The following AUTS2 variants were observed in gnomAD, a reference collection of about 807,000 sequenced individuals.
AUTS2 encodes the protein autism susceptibility gene 2 protein.
AUTS2 carries 17 observed loss-of-function variants against 112.4 expected under a neutral mutation model. That is an observed-to-expected ratio of 0.15 (90% CI 0.10 to 0.23). The LOEUF (loss-of-function observed/expected upper bound fraction) is 0.23. AUTS2 is among the 10% of genes least tolerant of loss of function. AUTS2 has a pLI of 1.00. For synonymous variants in AUTS2, 751 were observed against 702.7 expected (o/e 1.07, Z -1.09); for missense variants, 1,510 against 1,701.6 (o/e 0.89, Z 1.98).
chr7:70,012,528 C>G (rs550700291), intron 2 of AUTS2, among the ~76,000 whole-genome samples: 145 of 152,190 alleles, frequency 9.5e-4, no homozygotes, highest in African/African-American at 3.3e-3. Context: ...TTACTTCTTC[C>G]AGCCTTTTCC....
intron 1 of AUTS2, among the ~76,000 whole-genome samples, chr7:69,604,781 G>C (rs1214390793): frequency 6.6e-6 from 1 of 152,250 alleles, no homozygotes; most frequent in Non-Finnish European, 1.5e-5. Context: ...GCCAGGCTTG[G>C]CCTGCCTAAC....
rs1195808821 is a variant in AUTS2 at position 70,411,281 on chromosome 7, C to G, written c.661-24471C>G. On this transcript the variant is annotated intron_variant, in intron 4 of 18. Transcript: ENST00000342771. ...AAAGAGCACTGCTGGATGATATATT[C>G]CCCTGGCCTCTGAAAATGCACAGTG... is the stretch of plus-strand genomic sequence containing the variant. Among the ~76,000 whole-genome samples, 38 of 152,202 alleles carry G rather than the reference C, an allele frequency of 2.5e-4. 1 individual carries two copies. The highest frequency in any genetic ancestry group is 2.5e-3 in the Admixed American group (38 of 15,284).
At chr7:69,687,842 C>A (rs1423393306) in intron 1 of AUTS2, among the ~76,000 whole-genome samples, 1 of 152,146 alleles carries the variant, frequency 6.6e-6, no homozygotes, top group East Asian at 1.9e-4. Context: ...TTTCCTTCTC[C>A]TTTGCTTTGC....
At chr7:70,703,365 G>A (rs11977962) in intron 6 of AUTS2, among the ~76,000 whole-genome samples, 3,040 of 151,948 alleles carry the variant, frequency 0.02, 89 homozygotes, top group African/African-American at 0.069. Flanking sequence ...GGTTGGTAGC[G>A]TGTATTTGTA....
intron 1 of AUTS2, among the ~76,000 whole-genome samples, chr7:69,616,715 GA>G (rs1005705067): frequency 6.6e-6 from 1 of 152,162 alleles, no homozygotes; most frequent in Non-Finnish European, 1.5e-5. Flanking sequence ...TGGATTTGGG[GA>G]CTTTCAGAGT....
chr7:69,926,275 G>GT (rs547938314), intron 2 of AUTS2, among the ~76,000 whole-genome samples: 223 of 152,176 alleles, frequency 1.5e-3, no homozygotes, highest in African/African-American at 5.3e-3. Flanking sequence ...TATAATTGTG[G>GT]TTTTGTTTCT....
intron 1 of AUTS2, among the ~76,000 whole-genome samples, chr7:69,683,429 G>T (rs1357378718): frequency 6.6e-6 from 1 of 151,992 alleles, no homozygotes; most frequent in African/African-American, 2.4e-5. Context: ...AATGTTTTGG[G>T]GGCTGCTTTT....
chr7:69,853,827 T>C (rs1584343606), intron 1 of AUTS2, among the ~76,000 whole-genome samples: 3 of 152,236 alleles, frequency 2.0e-5, no homozygotes, highest in East Asian at 3.9e-4. Context: ...GCTTCTTTAC[T>C]TTTAAAATTA....
rs10537541 is a variant in AUTS2, at chr7:70,460,338, C to CTTTTTTT, written c.690+24580_690+24586dup. 5.2e-5 allele frequency among the ~76,000 whole-genome samples: 2 copies of CTTTTTTT among 38,216 alleles called. 1 individual carries two copies. Among genetic ancestry groups the CTTTTTTT allele is most frequent in the African/African-American group, 2.2e-4 (2 of 9,122 alleles). The allele number at this position is 38,216 out of a possible 152,430, so 25.1% of individuals were successfully genotyped here. ...CCAACCTCAGCAAGGACAGCCTGGT[C>CTTTTTTT]TTTTTTTTTTTTTTTTTTTTTTTTT... On this transcript the variant is annotated intron_variant, in intron 5 of 18. Transcript: ENST00000342771.
At chr7:69,748,876 C>G (rs1196934685) in intron 1 of AUTS2, among the ~76,000 whole-genome samples, 1 of 152,024 alleles carries the variant, frequency 6.6e-6, no homozygotes, top group Non-Finnish European at 1.5e-5. Context: ...AAACAATTTG[C>G]TTAGGGGTAA....
At chr7:69,869,097 G>T (rs902495427) in intron 1 of AUTS2, among the ~76,000 whole-genome samples, 3 of 152,144 alleles carry the variant, frequency 2.0e-5, no homozygotes, top group Admixed American at 6.6e-5. Context: ...TAATGTTTGG[G>T]CAGGATTTTT....
At chr7:69,770,388 A>G (rs1281524067) in intron 1 of AUTS2, among the ~76,000 whole-genome samples, 1 of 152,140 alleles carries the variant, frequency 6.6e-6, no homozygotes, top group African/African-American at 2.4e-5. Flanking sequence ...CCTGAGACTC[A>G]CTACCCTCAG....
intron 6 of AUTS2, among the ~76,000 whole-genome samples, chr7:70,749,896 T>A (rs1788693463): frequency 6.6e-6 from 1 of 152,236 alleles, no homozygotes. Flanking sequence ...TTTAGGATAT[T>A]TGATAAAGCT....
intron 5 of AUTS2, among the ~76,000 whole-genome samples, chr7:70,687,143 G>A (rs1176168887): frequency 1.3e-5 from 2 of 152,126 alleles, no homozygotes; most frequent in African/African-American, 2.4e-5. Context: ...GACTTAGTAG[G>A]GTCCCCCAGG....
chr7:69,919,770 G>GA (rs993905180), intron 2 of AUTS2, among the ~76,000 whole-genome samples: 1 of 151,490 alleles, frequency 6.6e-6, no homozygotes, highest in Non-Finnish European at 1.5e-5. Context: ...TTAAAATTGA[G>GA]AAAAAAAAGT....
intron 5 of AUTS2, among the ~76,000 whole-genome samples, chr7:70,633,120 C>G (rs1399928585): frequency 6.6e-6 from 1 of 152,168 alleles, no homozygotes. Context: ...TTCAGGGTCG[C>G]TTGGTGAAAC....
rs73706198 is a variant in AUTS2 at position 70,605,871 on chromosome 7, G to A, written c.691-92698G>A. Among the ~76,000 whole-genome samples, 1,229 of 152,304 alleles carry A rather than the reference G, an allele frequency of 8.1e-3. 18 individuals are homozygous for A. The highest frequency in any genetic ancestry group is 0.028 in the African/African-American group (1,159 of 41,558). ...AATGTTATGTATTGTTTTGAAAGAAGGCTCATTGGCACTACAGAAGCTTTT... is the reference window on the plus strand; with the variant it reads ...AATGTTATGTATTGTTTTGAAAGAAAGCTCATTGGCACTACAGAAGCTTTT... On this transcript the variant is annotated intron_variant, in intron 5 of 18. Transcript: ENST00000342771.
intron 1 of AUTS2, among the ~76,000 whole-genome samples, chr7:69,858,070 A>C (rs950452082): frequency 6.6e-6 from 1 of 152,148 alleles, no homozygotes; most frequent in Non-Finnish European, 1.5e-5. Context: ...GTCTACCCCC[A>C]GTCTGTTCTC....
intron 2 of AUTS2, among the ~76,000 whole-genome samples, chr7:69,919,690 T>C (rs1010851652): frequency 6.6e-6 from 1 of 152,198 alleles, no homozygotes; most frequent in Non-Finnish European, 1.5e-5. Flanking sequence ...TGTACCAGAA[T>C]GCAGATGTTG....
Sources: gnomAD v4.1 joint callset for allele counts (sites outside exome capture counted in the v4.1 genomes callset) on GRCh38, gnomAD v4.1.1 for gene constraint, MANE v1.5 for transcripts, NCBI Gene and HGNC (gene_info 2026-07-23, HGNC 2026-07-21) for gene names.